ROBO1: variants seen among roughly 807,000 people sequenced by gnomAD.
The protein encoded by ROBO1 is roundabout guidance receptor 1.
A neutral mutation model predicts 195.9 loss-of-function variants in ROBO1; 149 were observed. That is an observed-to-expected ratio of 0.76 (90% confidence interval 0.67 to 0.87). The LOEUF (loss-of-function observed/expected upper bound fraction) is 0.87, where lower values mean the gene tolerates loss of function less well. Ranked by LOEUF, ROBO1 falls within the 40% of genes least tolerant of loss-of-function variation. The pLI, the probability that ROBO1 is intolerant of heterozygous loss-of-function variation, is 0.00. For synonymous variants in ROBO1, 816 were observed against 733.2 expected, an observed-to-expected ratio of 1.11 and a Z score of -1.82; for missense variants, 1,933 against 2,068.3, an observed-to-expected ratio of 0.93 and a Z score of 1.27.
chr3:78,702,386 T>C (rs1212079699), intron 8 of ROBO1, among the ~76,000 whole-genome samples: 1 of 152,212 alleles, frequency 6.6e-6, no homozygotes, highest in Non-Finnish European at 1.5e-5. Context: ...ATGTGAACAG[T>C]CTGCAACTAT....
At chr3:78,987,354 A>T (rs1383614597) in intron 3 of ROBO1, among the ~76,000 whole-genome samples, 1 of 152,136 alleles carries the variant, frequency 6.6e-6, no homozygotes, top group Non-Finnish European at 1.5e-5. Context: ...CACAACACAC[A>T]CGCAACAGAT....
rs570488559 is a variant in ROBO1 at position 79,399,064 on chromosome 3, TC to T, written c.88+190759del. On this transcript the variant is annotated intron_variant, in intron 2 of 30. Transcript: ENST00000464233. ...AATAGAATAGGTCATAGGGCCAGAG[TC>T]CTGTCCGGCATGCATAGCTGGGGGC... Among the ~76,000 whole-genome samples, 294 of 151,976 alleles carry T rather than the reference TC, an allele frequency of 1.9e-3. 1 individual carries two copies. Among genetic ancestry groups the T allele is most frequent in the Non-Finnish European group, 3.6e-3 (245 of 67,946 alleles).
intron 2 of ROBO1, among the ~76,000 whole-genome samples, chr3:79,493,266 C>T (rs1156803358): frequency 6.6e-6 from 1 of 151,870 alleles, no homozygotes; most frequent in Non-Finnish European, 1.5e-5. Context: ...GCTACAAAAA[C>T]ATAATTTTTG....
chr3:78,639,820 G>A lies in ROBO1; in HGVS notation c.2961C>T (p.His987=), dbSNP rs1705821717. ...TGCAGCAGCTGATGGAGCAGTCATT[G>A]TGGTTGTTGCCAGTATTAGGCCACG... The part of the protein sequence containing the change: ...ADTWPNTGNN[H]NDCSISCCTA... Residue 987 remains histidine, a synonymous_variant, in exon 22 of 31, where the codon CAC becomes CAT. Coordinates refer to ENST00000464233, the MANE Select transcript of ROBO1 (RefSeq NM_002941.4). The A allele has an allele frequency of 6.2e-7, 1 of 1,613,528 alleles. No homozygotes were observed. Among genetic ancestry groups the A allele is most frequent in the South Asian group, 1.1e-5 (1 of 91,038 alleles).
intron 27 of ROBO1, among the ~76,000 whole-genome samples, chr3:78,615,070 A>C (rs1294767090): frequency 2.0e-5 from 3 of 152,150 alleles, no homozygotes; most frequent in Non-Finnish European, 4.4e-5. Flanking sequence ...ATACCTATTT[A>C]TTAAAGAAAA....
chr3:79,207,440 A>G (rs2081890610), intron 2 of ROBO1, among the ~76,000 whole-genome samples: 1 of 152,140 alleles, frequency 6.6e-6, no homozygotes, highest in Non-Finnish European at 1.5e-5. Flanking sequence ...AACTCCATCT[A>G]CTTTCCAGTC....
chr3:79,438,520 T>A (rs1327034610), intron 2 of ROBO1, among the ~76,000 whole-genome samples: 1 of 152,036 alleles, frequency 6.6e-6, no homozygotes, highest in East Asian at 1.9e-4. Flanking sequence ...AAAATATTCT[T>A]ATCCACAGAA....
rs181998321 is a variant in ROBO1 at position 79,278,950 on chromosome 3, T to C, written c.89-153411A>G. ...TTGCAAATGACTCATTTAAGGGGTT[T>C]AATATCCTAAGTATCCAAGGAACTC... is the stretch of plus-strand genomic sequence containing the variant. On this transcript the variant is annotated intron_variant, in intron 2 of 30. Coordinates refer to ENST00000464233, the MANE Select transcript of ROBO1 (RefSeq NM_002941.4). 3.8e-3 allele frequency among the ~76,000 whole-genome samples: 577 copies of C among 152,216 alleles called. 7 individuals are homozygous for C. The highest frequency in any genetic ancestry group is 0.013 in the African/African-American group (553 of 41,538).
At chr3:79,526,523 T>C (rs1941438805) in intron 2 of ROBO1, 1 of 152,220 alleles carries the variant, frequency 6.6e-6, no homozygotes, top group Non-Finnish European at 1.5e-5. Flanking sequence ...AATGGCACCA[T>C]GCATCATACA....
chr3:79,412,874 A>ATTTTTTTTTTTTTTTTT lies in ROBO1; in HGVS notation c.88+176933_88+176949dup, dbSNP rs1167482550. 2.3e-4 allele frequency among the ~76,000 whole-genome samples: 9 copies of ATTTTTTTTTTTTTTTTT among 38,338 alleles called. 1 individual carries two copies. The highest frequency in any genetic ancestry group is 4.0e-4 in the Admixed American group (1 of 2,504). 25.2% of individuals were successfully genotyped at this position (38,338 alleles called of 152,430 possible). ...AATGATTTTATTGCCTCATGAGCTG[A>ATTTTTTTTTTTTTTTTT]TTTTTTTTTTTTTTTTTTTTTTTTT... On this transcript the variant is annotated intron_variant, in intron 2 of 30. Coordinates refer to ENST00000464233, the MANE Select transcript of ROBO1 (RefSeq NM_002941.4).
rs748745469 is a variant in ROBO1 at position 78,618,005 on chromosome 3, C to T, written c.3912G>A (p.Pro1304=). 7 of 1,613,410 alleles carry T rather than the reference C, an allele frequency of 4.3e-6. No individual in the cohort carries two copies. The highest frequency in any genetic ancestry group is 5.9e-6 in the Non-Finnish European group (7 of 1,179,688). The change falls in exon 27 of 31, where the codon CCG becomes CCA. Residue 1304 remains proline, a synonymous_variant. Transcript: ENST00000464233. Reference sequence around the variant, plus strand: ...AGCCATAGGTATGTGGAGGGGAGATCGGCCGTGGTGGTGGAGGAGGACTCA... The same window carrying T: ...AGCCATAGGTATGTGGAGGGGAGATTGGCCGTGGTGGTGGAGGAGGACTCA... ...QPVSPPPPPR[P]ISPPHTYGYI...
intron 21 of ROBO1, among the ~76,000 whole-genome samples, chr3:78,641,977 C>T (rs1415583412): frequency 1.3e-5 from 2 of 152,028 alleles, no homozygotes; most frequent in Non-Finnish European, 2.9e-5. Flanking sequence ...CTATAATGAA[C>T]CTTAAAATGC....
intron 2 of ROBO1, among the ~76,000 whole-genome samples, chr3:79,326,129 A>G (rs1339743197): frequency 1.3e-5 from 2 of 152,128 alleles, no homozygotes; most frequent in East Asian, 3.9e-4. Context: ...GTTGCTCTCA[A>G]AACCCTGTCT....
intron 19 of ROBO1, among the ~76,000 whole-genome samples, chr3:78,650,297 G>A (rs1212093994): frequency 3.9e-5 from 6 of 151,966 alleles, no homozygotes; most frequent in South Asian, 2.1e-4. Flanking sequence ...TTTCACAGGC[G>A]GGAATATTGA....
At position 78,639,892 on chromosome 3, in the gene ROBO1, T is replaced by G; in HGVS notation, c.2889A>C (p.Gly963=). The change falls in exon 22 of 31, where the codon GGA becomes GGC. Residue 963 remains glycine, a synonymous_variant. Coordinates refer to ENST00000464233, the MANE Select transcript of ROBO1 (RefSeq NM_002941.4). ...CGGCAGGTTCACTGATGTTGAGAAG[T>G]CCAGGCCTAAATAAAAAAAAAATAT... ...GEAVSSGGRP[G]LLNISEPAAQ... 6.3e-7 allele frequency: 1 copy of G among 1,575,870 alleles called. No individual in the cohort carries two copies. The highest frequency in any genetic ancestry group is 8.6e-7 in the Non-Finnish European group (1 of 1,160,036).
intron 2 of ROBO1, among the ~76,000 whole-genome samples, chr3:79,254,489 CACAT>C (rs2082792085): frequency 6.6e-6 from 1 of 152,040 alleles, no homozygotes; most frequent in South Asian, 2.1e-4. Context: ...CACACTCACA[CACAT>C]ACACACACAA....
At chr3:78,947,182 A>G (rs1286544642) in intron 3 of ROBO1, among the ~76,000 whole-genome samples, 3 of 152,190 alleles carry the variant, frequency 2.0e-5, no homozygotes, top group African/African-American at 7.2e-5. Context: ...CCTAATAGAC[A>G]TCTACAGAAC....
In ROBO1 at chr3:78,631,194, T is replaced by C. The variant is rs1041107420; in HGVS notation, c.3593A>G (p.Asn1198Ser). Residue 1198 changes from asparagine to serine, a missense_variant, in exon 25 of 31, where the codon AAT becomes AGT. This residue lies in a region of ROBO1 where 1,737 missense variants were observed against 1,882.5 expected (regional missense o/e 0.92). Transcript: ENST00000464233. ...PPPAHPPPHS[N>S]SEEYNISVDE... is the part of the protein sequence containing the mutation. ...TACAGAAATGTTGTACTCTTCGCTATTGCTGTGTGGAGGAGGATGTGCTGG... is the reference window on the plus strand; with the variant it reads ...TACAGAAATGTTGTACTCTTCGCTACTGCTGTGTGGAGGAGGATGTGCTGG... 6.2e-6 allele frequency: 10 copies of C among 1,612,682 alleles called. No individual in the cohort carries two copies. The African/African-American group carries it at 8.0e-5, about 13-fold the overall frequency.
chr3:79,250,558 G>A (rs1250978287), intron 2 of ROBO1, among the ~76,000 whole-genome samples: 1 of 150,792 alleles, frequency 6.6e-6, no homozygotes, highest in Non-Finnish European at 1.5e-5. Flanking sequence ...AATTTATAAT[G>A]TGTGTGGGGG....
Sources: gnomAD v4.1 joint callset for allele counts (sites outside exome capture counted in the v4.1 genomes callset) on GRCh38, gnomAD v4.1.1 for gene constraint, gnomAD v4.1.1 regional missense constraint, MANE v1.5 for transcripts, NCBI Gene and HGNC (gene_info 2026-07-23, HGNC 2026-07-21) for gene names.